Variants in ZNF207 observed in about 807,000 individuals in gnomAD.
ZNF207 encodes the protein zinc finger protein 207, also known as BUB3-interacting and GLEBS motif-containing protein ZNF207.
ZNF207 carries 24 observed loss-of-function variants against 60.2 expected under a neutral mutation model. That is an observed-to-expected ratio of 0.40 (90% CI 0.29 to 0.56). The LOEUF is 0.56. Ranked by LOEUF, ZNF207 falls within the 20% of genes least tolerant of loss-of-function variation. The probability of loss-of-function intolerance (pLI) is 0.49; values close to 1 mark genes in which losing one functional copy is unlikely to be tolerated. For synonymous variants in ZNF207, 236 were observed against 194.7 expected, an observed-to-expected ratio of 1.21 and a Z score of -1.77; for missense variants, 452 against 636.6, an observed-to-expected ratio of 0.71 and a Z score of 3.12.
At position 32,364,324 on chromosome 17, in the gene ZNF207, A is replaced by T. The variant is rs74748700; in HGVS notation, c.671-1006A>T. On this transcript the variant is annotated intron_variant, in intron 7 of 11. Transcript: ENST00000394670. ...AAGGAAAGGGATTTGGTTGGCCAGC[A>T]AGATGTGCCACACGAGGCTATTAGT... Among the ~76,000 whole-genome samples, 10 of 152,066 alleles carry T rather than the reference A, an allele frequency of 6.6e-5. No homozygotes were observed. In the East Asian group the frequency reaches 1.7e-3, roughly 26 times the overall value.
At position 32,365,269 on chromosome 17, in the gene ZNF207, C is replaced by T. The variant is rs577590060; in HGVS notation, c.671-61C>T. ...TGTTAATAACTTTGTAGTATAGAAG[C>T]GTTTTTTTCCACACTAAATTTTTCA... On this transcript the variant is annotated intron_variant, in intron 7 of 11. Coordinates refer to ENST00000394670, the MANE Select transcript of ZNF207 (RefSeq NM_001098507.2). 139 of 1,543,844 alleles carry T rather than the reference C, an allele frequency of 9.0e-5. 1 individual carries two copies. The highest frequency in any genetic ancestry group is 5.2e-4 in the African/African-American group (38 of 72,684).
At chr17:32,366,554 C>A in intron 8 of ZNF207, 111 bp from the exon 9 acceptor site, 1 of 682,382 alleles carries the variant, frequency 1.5e-6, no homozygotes. Context: ...CATTTGATTG[C>A]ATTAAATTTT....
chr17:32,366,620 A>G (rs1182926314), intron 8 of ZNF207, 45 bp from the exon 9 acceptor site: 92 of 1,541,772 alleles, frequency 6.0e-5, no homozygotes, highest in Non-Finnish European at 7.8e-5. Flanking sequence ...ATTTTGACCC[A>G]TTTGTTTGGA....
Position 32,377,532 on chromosome 17 carries a change from C to T in ZNF207, c.*7773C>T, listed in dbSNP as rs1354263319. ...TTAAAATTGAGAATCTCTGATGTGA[C>T]AAAATCAATTTTTACAAAAGTTGAA... On this transcript the variant is annotated 3_prime_UTR_variant, in exon 12 of 12. Transcript: ENST00000394670. 6.6e-6 allele frequency: 1 copy of T among 151,914 alleles called. No individual in the cohort carries two copies. The highest frequency in any genetic ancestry group is 2.4e-5 in the African/African-American group (1 of 41,400). 9.4% of individuals were successfully genotyped at this position (151,914 alleles called of 1,614,324 possible). A position where few individuals can be genotyped will look rare whatever the true frequency, so the allele number is the denominator to read the frequency against.
In ZNF207 at chr17:32,373,318, T is replaced by TAA; in HGVS notation, c.*3569_*3570dup. 2.7e-5 allele frequency: 15 copies of TAA among 552,032 alleles called. No homozygotes were observed. Among genetic ancestry groups the TAA allele is most frequent in the South Asian group, 8.3e-5 (4 of 48,072 alleles). 34.2% of individuals were successfully genotyped at this position (552,032 alleles called of 1,614,324 possible). ...TTGCTTGCTTGATCATTGGGATTTT[T>TAA]AAAAAAAAAAATTTTAATGCATGTC... On this transcript the variant is annotated 3_prime_UTR_variant, in exon 12 of 12. Coordinates refer to ENST00000394670, the MANE Select transcript of ZNF207 (RefSeq NM_001098507.2).
rs530008975 is a variant in ZNF207 at position 32,354,163 on chromosome 17, A to T, written c.168+2251A>T. 3.9e-5 allele frequency among the ~76,000 whole-genome samples: 6 copies of T among 152,264 alleles called. 1 individual carries two copies. In the South Asian group the frequency reaches 1.2e-3, roughly 32 times the overall value. ...GCTATTTTTAAAATTTTATTTTTGT[A>T]GAGACAGGGTCTCACTATGTTGCAC... On this transcript the variant is annotated intron_variant, in intron 2 of 11. Coordinates refer to ENST00000394670, the MANE Select transcript of ZNF207 (RefSeq NM_001098507.2).
At chr17:32,367,282 T>TATATATGTATATATATAA (rs1445385221) in intron 9 of ZNF207, among the ~76,000 whole-genome samples, 2 of 82,862 alleles carry the variant, frequency 2.4e-5, no homozygotes, top group African/African-American at 6.1e-5. Context: ...TATATATATA[T>TATATATGTATATATATAA]ATAAAGAATA....
chr17:32,373,461 G>T lies in ZNF207; in HGVS notation c.*3702G>T. 1 of 622,516 alleles carries T rather than the reference G, an allele frequency of 1.6e-6. No homozygotes were observed. The highest frequency in any genetic ancestry group is 2.9e-6 in the Non-Finnish European group (1 of 343,968). The allele number at this position is 622,516 out of a possible 1,614,324, so 38.6% of individuals were successfully genotyped here. On this transcript the variant is annotated 3_prime_UTR_variant, in exon 12 of 12. Coordinates refer to ENST00000394670, the MANE Select transcript of ZNF207 (RefSeq NM_001098507.2). Reference sequence around the variant, plus strand: ...TGCCCTGTTCAGTCTGAGGCAAGTGGGATTTATTTTATTCCTTATAGGGGC... The same window carrying T: ...TGCCCTGTTCAGTCTGAGGCAAGTGTGATTTATTTTATTCCTTATAGGGGC...
rs900023114 is a variant in ZNF207 at position 32,374,570 on chromosome 17, T to A, written c.*4811T>A. The A allele has an allele frequency of 8.5e-5, 13 of 152,162 alleles. No homozygotes were observed. Among genetic ancestry groups the A allele is most frequent in the African/African-American group, 2.9e-4 (12 of 41,434 alleles). The allele number at this position is 152,162 out of a possible 1,614,324, so 9.4% of individuals were successfully genotyped here. On this transcript the variant is annotated 3_prime_UTR_variant, in exon 12 of 12. Coordinates refer to ENST00000394670, the MANE Select transcript of ZNF207 (RefSeq NM_001098507.2). Reference sequence around the variant, plus strand: ...CGCATTGAATGTTAAGGCTAAAAGGTCATCTGGAAATGCTTAATTTTAAAA... The same window carrying A: ...CGCATTGAATGTTAAGGCTAAAAGGACATCTGGAAATGCTTAATTTTAAAA...
At chr17:32,350,679 C>A (rs1389768320) in intron 1 of ZNF207, among the ~76,000 whole-genome samples, 1 of 152,122 alleles carries the variant, frequency 6.6e-6, no homozygotes, top group Non-Finnish European at 1.5e-5. Context: ...GACTTTTCTT[C>A]GAGTGCGATA....
At chr17:32,360,184 C>A (rs1272790792) in intron 3 of ZNF207, among the ~76,000 whole-genome samples, 5 of 112,994 alleles carry the variant, frequency 4.4e-5, no homozygotes, top group Admixed American at 3.4e-4. Flanking sequence ...TTACCCCCCC[C>A]CCAAAAAAAA....
At chr17:32,368,051 T>C (rs1054107923) in intron 10 of ZNF207, 37 bp downstream of exon 10, 5 of 1,611,336 alleles carry the variant, frequency 3.1e-6, no homozygotes, top group Non-Finnish European at 2.5e-6. Context: ...CAGCATTTGA[T>C]TTAAAGCCAT....
intron 2 of ZNF207, among the ~76,000 whole-genome samples, chr17:32,355,304 G>A (rs562934533): frequency 1.2e-4 from 19 of 152,304 alleles, no homozygotes; most frequent in South Asian, 8.3e-4. Flanking sequence ...CAGGAGGATC[G>A]CTTGAGCTGG....
intron 6 of ZNF207, 79 bp downstream of exon 6, chr17:32,361,594 A>G (rs1904884119): frequency 1.5e-6 from 2 of 1,343,166 alleles, no homozygotes; most frequent in African/African-American, 2.9e-5. Context: ...AATGGTATCT[A>G]TTCAGTTGAC....
rs1905011271 is a variant in ZNF207 at position 32,363,619 on chromosome 17, C to T, written c.670+635C>T. Among the ~76,000 whole-genome samples, 4 of 136,144 alleles carry T rather than the reference C, an allele frequency of 2.9e-5. No homozygotes were observed. In the South Asian group the frequency reaches 9.5e-4, roughly 32 times the overall value. 89.3% of individuals were successfully genotyped at this position (136,144 alleles called of 152,430 possible). On this transcript the variant is annotated intron_variant, in intron 7 of 11. Coordinates refer to ENST00000394670, the MANE Select transcript of ZNF207 (RefSeq NM_001098507.2). ...TGATCTCGGCTCACTGCAACCTCTG[C>T]TTCCGGGGTTCAAGTGATTCTCCTG...
chr17:32,365,890 G>A (rs764338684), intron 8 of ZNF207, among the ~76,000 whole-genome samples: 4 of 152,134 alleles, frequency 2.6e-5, no homozygotes, highest in Non-Finnish European at 5.9e-5. Context: ...TCTGCCTCTA[G>A]TACGGAACAG....
intron 7 of ZNF207, among the ~76,000 whole-genome samples, chr17:32,364,127 A>G (rs999514392): frequency 1.8e-4 from 27 of 151,668 alleles, no homozygotes; most frequent in African/African-American, 6.5e-4. Flanking sequence ...CAGCCTCCCA[A>G]AGTGCTGGGA....
At position 32,376,575 on chromosome 17, in the gene ZNF207, T is replaced by A. The variant is rs1357765373; in HGVS notation, c.*6816T>A. Reference sequence around the variant, plus strand: ...TTATTTTACTAAGCGGAAGTAGTAGTCATATTGAGGCAGAAATTTGTAGCC... The same window carrying A: ...TTATTTTACTAAGCGGAAGTAGTAGACATATTGAGGCAGAAATTTGTAGCC... On this transcript the variant is annotated 3_prime_UTR_variant, in exon 12 of 12. Transcript: ENST00000394670. The A allele has an allele frequency of 6.6e-6, 1 of 152,016 alleles. No individual in the cohort carries two copies. The highest frequency in any genetic ancestry group is 1.5e-5 in the Non-Finnish European group (1 of 67,928). The allele number at this position is 152,016 out of a possible 1,614,324, so 9.4% of individuals were successfully genotyped here. A position where few individuals can be genotyped will look rare whatever the true frequency, so the allele number is the denominator to read the frequency against.
At chr17:32,367,239 T>TTATA (rs10525886) in intron 9 of ZNF207, among the ~76,000 whole-genome samples, 1,415 of 31,846 alleles carry the variant, frequency 0.044, 57 homozygotes, top group Non-Finnish European at 0.068. Context: ...TTGGAGGGGA[T>TTATA]TATATATATA....
Sources: gnomAD v4.1 joint callset for allele counts (sites outside exome capture counted in the v4.1 genomes callset) on GRCh38, gnomAD v4.1.1 for gene constraint, MANE v1.5 for transcripts, NCBI Gene and HGNC (gene_info 2026-07-23, HGNC 2026-07-21) for gene names.